LRBA: variants seen among roughly 807,000 people sequenced by gnomAD.
LRBA encodes the protein lipopolysaccharide-responsive and beige-like anchor protein.
A neutral mutation model predicts 330.0 loss-of-function variants in LRBA; 176 were observed. The ratio of observed to expected loss-of-function variants is 0.53; its 90% CI spans 0.47 to 0.60. The LOEUF is 0.60. Ranked by LOEUF, LRBA falls within the 20% of genes least tolerant of loss-of-function variation. LRBA has a pLI of 0.00. For missense variants in LRBA, 3,259 were observed against 3,444.8 expected (o/e 0.95, Z 1.35); for synonymous variants, 1,230 against 1,193.0 (o/e 1.03, Z -0.64).
rs35815992 is a variant in LRBA, at chr4:150,313,840, G to GTATATATA, written c.7693+1713_7693+1720dup. ...TTGTTTCATATAGAATATATATAAT[G>GTATATATA]TATATATATATATATATATATAGCC... On this transcript the variant is annotated intron_variant, in intron 51 of 56. Transcript: ENST00000651943. Among the ~76,000 whole-genome samples, 317 of 142,006 alleles carry GTATATATA rather than the reference G, an allele frequency of 2.2e-3. 2 individuals are homozygous for GTATATATA. The highest frequency in any genetic ancestry group is 7.7e-3 in the African/African-American group (303 of 39,320). 93.2% of individuals were successfully genotyped at this position (142,006 alleles called of 152,430 possible).
At chr4:150,777,960 G>T (rs1037036627) in intron 34 of LRBA, among the ~76,000 whole-genome samples, 4 of 108,670 alleles carry the variant, frequency 3.7e-5, no homozygotes, top group Non-Finnish European at 5.2e-5. Flanking sequence ...GAGACAGAGT[G>T]AGACTCTGTT....
intron 40 of LRBA, among the ~76,000 whole-genome samples, chr4:150,545,144 C>A (rs558063528): frequency 9.2e-5 from 14 of 152,210 alleles, no homozygotes; most frequent in Admixed American, 1.3e-4. Context: ...AACGATGAAG[C>A]ATTTCATAAT....
chr4:150,487,873 A>G, intron 41 of LRBA, 39 bp from the exon 42 acceptor site: 1 of 1,163,390 alleles, frequency 8.6e-7, no homozygotes, highest in South Asian at 1.5e-5. Flanking sequence ...ACACAGTATA[A>G]CTTCCTTTCT....
At chr4:150,480,598 T>C (rs1335135996) in intron 42 of LRBA, among the ~76,000 whole-genome samples, 15 of 152,258 alleles carry the variant, frequency 9.9e-5, no homozygotes, top group South Asian at 4.1e-4. Flanking sequence ...CAGCATCACA[T>C]GTACAGATGT....
chr4:150,780,316 T>A (rs186517564), intron 34 of LRBA, among the ~76,000 whole-genome samples: 145 of 152,316 alleles, frequency 9.5e-4, no homozygotes, highest in African/African-American at 2.6e-3. Flanking sequence ...AGGTATCTTA[T>A]GTTTATGCTA....
chr4:150,405,596 A>ATAT (rs1241432187), intron 47 of LRBA, among the ~76,000 whole-genome samples: 131 of 152,192 alleles, frequency 8.6e-4, no homozygotes, highest in Non-Finnish European at 3.1e-4. Flanking sequence ...ATAAAAGATC[A>ATAT]TATAACACAA....
At chr4:150,383,089 A>T (rs1742522768) in intron 47 of LRBA, among the ~76,000 whole-genome samples, 1 of 152,220 alleles carries the variant, frequency 6.6e-6, no homozygotes. Flanking sequence ...CAGAACTAGC[A>T]CATCTTATGG....
intron 37 of LRBA, among the ~76,000 whole-genome samples, chr4:150,635,056 T>A (rs567677985): frequency 1.3e-5 from 2 of 152,168 alleles, no homozygotes; most frequent in South Asian, 4.1e-4. Flanking sequence ...ATGGTAACAA[T>A]AGATAAAAGT....
chr4:150,381,960 G>T (rs1398912542), intron 47 of LRBA, among the ~76,000 whole-genome samples: 1 of 152,104 alleles, frequency 6.6e-6, no homozygotes, highest in African/African-American at 2.4e-5. Context: ...ATATCTTCTT[G>T]GGAGGAATGT....
At chr4:150,267,826 A>T (rs547772592) in intron 56 of LRBA, among the ~76,000 whole-genome samples, 42 of 152,228 alleles carry the variant, frequency 2.8e-4, no homozygotes, top group Middle Eastern at 3.4e-3. Flanking sequence ...TTGGGAGGCC[A>T]AGGTGGGTGG....
At chr4:150,748,212 C>A (rs897190790) in intron 35 of LRBA, among the ~76,000 whole-genome samples, 1 of 152,162 alleles carries the variant, frequency 6.6e-6, no homozygotes, top group East Asian at 1.9e-4. Flanking sequence ...ATCATTGCTA[C>A]CACATCATTC....
chr4:150,592,477 T>C (rs1773010282), intron 38 of LRBA, among the ~76,000 whole-genome samples: 1 of 152,034 alleles, frequency 6.6e-6, no homozygotes, highest in Non-Finnish European at 1.5e-5. Context: ...TAAGAAGTCA[T>C]GGGAAGAAGC....
chr4:150,833,020 C>T (rs929126967), intron 28 of LRBA, among the ~76,000 whole-genome samples: 1 of 152,098 alleles, frequency 6.6e-6, no homozygotes, highest in African/African-American at 2.4e-5. Flanking sequence ...GAGCAATCCT[C>T]CTGCCTTAGC....
At chr4:150,370,293 T>A (rs1740076597) in intron 47 of LRBA, among the ~76,000 whole-genome samples, 1 of 152,156 alleles carries the variant, frequency 6.6e-6, no homozygotes, top group African/African-American at 2.4e-5. Context: ...AAGATATATT[T>A]TAGTAGGTGA....
Position 150,726,614 on chromosome 4 carries a change from T to C in LRBA, c.5754+8644A>G, listed in dbSNP as rs376483065. ...ATGGTCGAAGGGGAAACTGGCACCT[T>C]CTTCACAAGTTGGCAGGAAAGAGAA... On this transcript the variant is annotated intron_variant, in intron 36 of 56. Transcript: ENST00000651943. 2.2e-4 allele frequency among the ~76,000 whole-genome samples: 34 copies of C among 152,256 alleles called. No homozygotes were observed. In the South Asian group the frequency reaches 7.1e-3, roughly 32 times the overall value.
chr4:150,560,243 T>C (rs1193177753), intron 40 of LRBA, among the ~76,000 whole-genome samples: 3 of 151,622 alleles, frequency 2.0e-5, no homozygotes, highest in Non-Finnish European at 4.4e-5. Flanking sequence ...ATTATGTATG[T>C]ATAGAGAGAG....
Position 150,553,005 on chromosome 4 carries a change from C to A in LRBA, c.6330+35043G>T, listed in dbSNP as rs575928199. 3.9e-4 allele frequency among the ~76,000 whole-genome samples: 59 copies of A among 151,242 alleles called. No homozygotes were observed. In the Middle Eastern group the frequency reaches 0.014, roughly 35 times the overall value. On this transcript the variant is annotated intron_variant, in intron 40 of 56. Transcript: ENST00000651943. ...AATGGCATGAACCCGGGAAACGGAG[C>A]TTGCAGTGAGCCGAGATCATGCCAC...
intron 37 of LRBA, among the ~76,000 whole-genome samples, chr4:150,620,867 C>T (rs1008019220): frequency 5.3e-5 from 8 of 152,076 alleles, no homozygotes; most frequent in African/African-American, 1.9e-4. Flanking sequence ...ATGTACACTA[C>T]TTGGGTGACT....
At chr4:150,302,838 A>G (rs1330335174) in intron 52 of LRBA, 46 bp from the exon 53 acceptor site, 3 of 1,425,254 alleles carry the variant, frequency 2.1e-6, no homozygotes, top group East Asian at 2.4e-5. Flanking sequence ...TAAAAAAATA[A>G]AAATTCTAGT....
Sources: gnomAD v4.1 joint callset for allele counts (sites outside exome capture counted in the v4.1 genomes callset) on GRCh38, gnomAD v4.1.1 for gene constraint, MANE v1.5 for transcripts, NCBI Gene and HGNC (gene_info 2026-07-23, HGNC 2026-07-21) for gene names.